The following NOVA1 variants were observed in gnomAD, a reference collection of about 807,000 sequenced individuals.
The protein encoded by NOVA1 is RNA-binding protein Nova-1.
A neutral mutation model predicts 38.0 loss-of-function variants in NOVA1; 7 were observed. That is an observed-to-expected ratio of 0.18 (90% CI 0.10 to 0.35). The LOEUF is 0.35. NOVA1 is among the 10% of genes least tolerant of loss of function. NOVA1 has a pLI of 1.00. For synonymous variants in NOVA1, 270 were observed against 232.5 expected (o/e 1.16, Z -1.47); for missense variants, 460 against 616.0 (o/e 0.75, Z 2.68).
rs144740840 is a variant in NOVA1, at chr14:26,530,757, G to GA, written c.281-50615dup. 2.8e-3 allele frequency among the ~76,000 whole-genome samples: 420 copies of GA among 151,324 alleles called. 2 individuals carry two copies. The highest frequency in any genetic ancestry group is 9.7e-3 in the African/African-American group (400 of 41,294). ...ATGTGTGTGAGGGGTTGGGAGGGCA[G>GA]AAAAAAAACATAAAAAGTATGACTA... On this transcript the variant is annotated intron_variant, in intron 2 of 4. Transcript: ENST00000539517.
intron 2 of NOVA1, among the ~76,000 whole-genome samples, chr14:26,508,555 T>C (rs1205404161): frequency 6.7e-6 from 1 of 148,966 alleles, no homozygotes; most frequent in Non-Finnish European, 1.5e-5. Context: ...CACATGTACA[T>C]ACACACACAC....
intron 2 of NOVA1, among the ~76,000 whole-genome samples, chr14:26,502,451 A>G (rs145009042): frequency 3.9e-5 from 6 of 152,034 alleles, no homozygotes; most frequent in Non-Finnish European, 1.5e-5. Context: ...ATTTAAATAT[A>G]CAACAGTTAG....
At chr14:26,587,308 T>TAA (rs34853058) in intron 2 of NOVA1, among the ~76,000 whole-genome samples, 69,950 of 123,260 alleles carry the variant, frequency 0.57, 21,158 homozygotes, top group South Asian at 0.69. Context: ...CTAAAATATA[T>TAA]AAAAAAAAAA....
intron 2 of NOVA1, among the ~76,000 whole-genome samples, chr14:26,492,985 A>G (rs1329712536): frequency 6.6e-6 from 1 of 152,148 alleles, no homozygotes; most frequent in African/African-American, 2.4e-5. Flanking sequence ...TCAGCATACC[A>G]CAACATATTT....
intron 4 of NOVA1, among the ~76,000 whole-genome samples, chr14:26,465,813 A>G (rs1295304784): frequency 2.0e-5 from 3 of 152,170 alleles, no homozygotes; most frequent in Non-Finnish European, 4.4e-5. Context: ...CTTCACATAC[A>G]TCAGAGAATA....
chr14:26,452,054 GA>G (rs1464790499), intron 4 of NOVA1, among the ~76,000 whole-genome samples: 2 of 151,954 alleles, frequency 1.3e-5, no homozygotes, highest in African/African-American at 4.8e-5. Context: ...ACCAAATTTA[GA>G]AAATTAATGG....
chr14:26,523,782 G>A (rs1325756744), intron 2 of NOVA1, among the ~76,000 whole-genome samples: 2 of 119,454 alleles, frequency 1.7e-5, no homozygotes, highest in African/African-American at 3.4e-5. Flanking sequence ...ACGGACTCTC[G>A]CTCTGTCGCC....
At chr14:26,456,033 A>G (rs1156752527) in intron 4 of NOVA1, among the ~76,000 whole-genome samples, 3 of 152,054 alleles carry the variant, frequency 2.0e-5, no homozygotes, top group Non-Finnish European at 4.4e-5. Flanking sequence ...AATCATTATT[A>G]TTTTAAATCA....
chr14:26,528,843 G>A (rs1415886644), intron 2 of NOVA1, among the ~76,000 whole-genome samples: 1 of 152,132 alleles, frequency 6.6e-6, no homozygotes, highest in Non-Finnish European at 1.5e-5. Context: ...AAACTCTTTT[G>A]TATATTCTTC....
At chr14:26,493,778 TG>T (rs1361596091) in intron 2 of NOVA1, among the ~76,000 whole-genome samples, 3 of 152,104 alleles carry the variant, frequency 2.0e-5, no homozygotes, top group African/African-American at 7.2e-5. Flanking sequence ...TTTGATCTCC[TG>T]CCCCTACTCA....
At chr14:26,473,762 T>G (rs1431149637) in intron 3 of NOVA1, among the ~76,000 whole-genome samples, 1 of 151,988 alleles carries the variant, frequency 6.6e-6, no homozygotes, top group Non-Finnish European at 1.5e-5. Context: ...AGTTAAAACC[T>G]AAGTACTTCT....
At chr14:26,491,334 T>C (rs756757242) in intron 2 of NOVA1, among the ~76,000 whole-genome samples, 31 of 152,254 alleles carry the variant, frequency 2.0e-4, no homozygotes, top group Non-Finnish European at 3.8e-4. Context: ...TGTTTATATA[T>C]TCTGGATATT....
intron 4 of NOVA1, chr14:26,470,635 G>C (rs1020786085): frequency 3.8e-6 from 2 of 521,310 alleles, no homozygotes; most frequent in East Asian, 6.1e-5. Context: ...TTATCTAGAG[G>C]GTGAAAATAC....
At position 26,495,285 on chromosome 14, in the gene NOVA1, C is replaced by T. The variant is rs577335500; in HGVS notation, c.281-15142G>A. Among the ~76,000 whole-genome samples the T allele has an allele frequency of 3.3e-5, 5 of 152,256 alleles. No individual in the cohort carries two copies. The South Asian group carries it at 1.0e-3, about 32-fold the overall frequency. Reference sequence around the variant, plus strand: ...ACTTTATGCTTCTTTATGACCCTTACAATTTTCTGAAATTCTTGTTTGTTG... The same window carrying T: ...ACTTTATGCTTCTTTATGACCCTTATAATTTTCTGAAATTCTTGTTTGTTG... On this transcript the variant is annotated intron_variant, in intron 2 of 4. Coordinates refer to ENST00000539517, the MANE Select transcript of NOVA1 (RefSeq NM_002515.3).
chr14:26,498,461 T>C (rs1886984587), intron 2 of NOVA1, among the ~76,000 whole-genome samples: 1 of 152,132 alleles, frequency 6.6e-6, no homozygotes, highest in Non-Finnish European at 1.5e-5. Flanking sequence ...AAATCTCTAA[T>C]AAGCCCGTTA....
intron 2 of NOVA1, among the ~76,000 whole-genome samples, chr14:26,502,576 A>G (rs1887315582): frequency 1.3e-5 from 2 of 151,084 alleles, no homozygotes; most frequent in Admixed American, 1.3e-4. Flanking sequence ...GGTTATGCAT[A>G]TAACTGAGTT....
rs377035962 is a variant in NOVA1, at chr14:26,448,583, A to G, written c.900T>C (p.Phe300=). The change falls in exon 5 of 5, where the codon TTT becomes TTC. Residue 300 remains phenylalanine, a synonymous_variant. Coordinates refer to ENST00000539517, the MANE Select transcript of NOVA1 (RefSeq NM_002515.3). The surrounding 1 kb of genome is among the most constrained non-coding windows in gnomAD (Gnocchi z 5.3). Reference sequence around the variant, plus strand: ...CTGTGAAGCCAGATAAAACTGCTGGAAAGGCTGCAACGCCAGCAAGGTTAG... The same window carrying G: ...CTGTGAAGCCAGATAAAACTGCTGGGAAGGCTGCAACGCCAGCAAGGTTAG... ...GHANLAGVAA[F]PAVLSGFTGN... 50 of 1,614,098 alleles carry G rather than the reference A, an allele frequency of 3.1e-5. No homozygotes were observed. The highest frequency in any genetic ancestry group is 4.1e-5 in the Non-Finnish European group (48 of 1,180,038).
chr14:26,475,020 A>G (rs1884870296), intron 3 of NOVA1, among the ~76,000 whole-genome samples: 1 of 152,114 alleles, frequency 6.6e-6, no homozygotes, highest in South Asian at 2.1e-4. Flanking sequence ...ATGTAAATAT[A>G]CTAAAGTAAT....
At chr14:26,567,168 A>T (rs957382434) in intron 2 of NOVA1, among the ~76,000 whole-genome samples, 20 of 152,168 alleles carry the variant, frequency 1.3e-4, no homozygotes, top group Middle Eastern at 3.2e-3. Context: ...TTAAATTTTT[A>T]AATCCTATAA....
Sources: gnomAD v4.1 joint callset for allele counts (sites outside exome capture counted in the v4.1 genomes callset) on GRCh38, gnomAD v4.1.1 for gene constraint, Gnocchi (gnomAD v3.1) non-coding constraint, MANE v1.5 for transcripts, NCBI Gene and HGNC (gene_info 2026-07-23, HGNC 2026-07-21) for gene names.